C1orf21: variants seen among roughly 807,000 people sequenced by gnomAD.
The protein encoded by C1orf21 is chromosome 1 open reading frame 21.
C1orf21 carries 3 observed loss-of-function variants against 18.7 expected under a neutral mutation model. The observed-to-expected ratio is 0.16, with a 90% CI of 0.07 to 0.42. The LOEUF (loss-of-function observed/expected upper bound fraction) is 0.42, where lower values mean the gene tolerates loss of function less well. Ranked by LOEUF, C1orf21 falls within the 10% of genes least tolerant of loss-of-function variation. The pLI, the probability that C1orf21 is intolerant of heterozygous loss-of-function variation, is 0.99. For missense variants in C1orf21, 104 were observed against 143.6 expected, an observed-to-expected ratio of 0.72 and a Z score of 1.41; for synonymous variants, 41 against 46.4, an observed-to-expected ratio of 0.88 and a Z score of 0.47.
At chr1:184,587,066 C>A (rs1659364477) in intron 3 of C1orf21, among the ~76,000 whole-genome samples, 2 of 152,120 alleles carry the variant, frequency 1.3e-5, no homozygotes, top group South Asian at 4.1e-4. Context: ...TTGTTATTGT[C>A]AGGTTTGTCA....
intron 3 of C1orf21, among the ~76,000 whole-genome samples, chr1:184,527,959 G>A (rs1044152187): frequency 7.9e-5 from 12 of 152,178 alleles, no homozygotes; most frequent in African/African-American, 2.4e-4. Context: ...TTATCTTGCT[G>A]TTGTCACCCC....
chr1:184,416,493 C>T (rs1656454113), intron 1 of C1orf21, among the ~76,000 whole-genome samples: 1 of 151,918 alleles, frequency 6.6e-6, no homozygotes, highest in Non-Finnish European at 1.5e-5. Flanking sequence ...TTATACTAAT[C>T]CCAAATAATT....
intron 1 of C1orf21, among the ~76,000 whole-genome samples, chr1:184,430,678 C>T (rs1322189794): frequency 6.6e-6 from 1 of 152,182 alleles, no homozygotes; most frequent in East Asian, 1.9e-4. Flanking sequence ...CCCCCAAATA[C>T]CAGATTCTTC....
intron 3 of C1orf21, among the ~76,000 whole-genome samples, chr1:184,541,824 A>G (rs1658656268): frequency 6.6e-6 from 1 of 152,184 alleles, no homozygotes; most frequent in Admixed American, 6.6e-5. Flanking sequence ...CAGGGGGATC[A>G]CGGACTGGCG....
intron 1 of C1orf21, among the ~76,000 whole-genome samples, chr1:184,461,389 G>A (rs1657305906): frequency 6.6e-6 from 1 of 152,184 alleles, no homozygotes; most frequent in African/African-American, 2.4e-5. Flanking sequence ...TGGCGGGTTA[G>A]GGATCTCCAT....
chr1:184,459,814 C>A (rs1300412848), intron 1 of C1orf21, among the ~76,000 whole-genome samples: 1 of 152,162 alleles, frequency 6.6e-6, no homozygotes, highest in Non-Finnish European at 1.5e-5. Context: ...TTCCTAGAAA[C>A]CAGGTGCTTT....
At chr1:184,492,894 A>G (rs917779789) in intron 2 of C1orf21, among the ~76,000 whole-genome samples, 5 of 152,216 alleles carry the variant, frequency 3.3e-5, no homozygotes. Context: ...CAAAAGGAGA[A>G]CATTTAATTT....
chr1:184,499,999 G>C (rs1557987699), intron 2 of C1orf21, among the ~76,000 whole-genome samples: 1 of 152,192 alleles, frequency 6.6e-6, no homozygotes, highest in Non-Finnish European at 1.5e-5. Flanking sequence ...CAGTAGGAGA[G>C]TCAGAGAAGG....
At chr1:184,457,609 A>C (rs1054955640) in intron 1 of C1orf21, among the ~76,000 whole-genome samples, 1 of 152,054 alleles carries the variant, frequency 6.6e-6, no homozygotes, top group East Asian at 1.9e-4. Flanking sequence ...TCTGTACTGC[A>C]TTTTCCAGAC....
chr1:184,571,165 CG>C (rs1659105579), intron 3 of C1orf21, among the ~76,000 whole-genome samples: 1 of 150,866 alleles, frequency 6.6e-6, no homozygotes, highest in Non-Finnish European at 1.5e-5. Context: ...GGCGTAGTGG[CG>C]GGCGCCTGTA....
At chr1:184,426,220 G>A (rs550378248) in intron 1 of C1orf21, among the ~76,000 whole-genome samples, 7 of 152,294 alleles carry the variant, frequency 4.6e-5, no homozygotes, top group South Asian at 4.1e-4. Flanking sequence ...TGATCAATTC[G>A]TCTGTCCAGG....
At position 184,619,561 on chromosome 1, in the gene C1orf21, A is replaced by G; in HGVS notation, c.*5A>G. ...GAAGAAGAGGATATCACATAGCACC[A>G]ATTTTACCACTCAAACCAGGAGCTA... On this transcript the variant is annotated 3_prime_UTR_variant, in exon 6 of 6. Transcript: ENST00000235307. 1 of 1,613,606 alleles carries G rather than the reference A, an allele frequency of 6.2e-7. No individual in the cohort carries two copies. The highest frequency in any genetic ancestry group is 1.1e-5 in the South Asian group (1 of 90,990).
rs908064489 is a variant in C1orf21 at position 184,610,802 on chromosome 1, C to G, written c.328-8716C>G. ...GGCGGAGCTTGTAGTGAGCCGAGAT[C>G]GCCCACTGCACTCCAGCCTGAGCAA... On this transcript the variant is annotated intron_variant, in intron 5 of 5. Transcript: ENST00000235307. Among the ~76,000 whole-genome samples, 6 of 150,176 alleles carry G rather than the reference C, an allele frequency of 4.0e-5. No homozygotes were observed. The South Asian group carries it at 1.3e-3, about 32-fold the overall frequency.
chr1:184,614,089 T>G (rs1659780922), intron 5 of C1orf21, among the ~76,000 whole-genome samples: 1 of 152,164 alleles, frequency 6.6e-6, no homozygotes, highest in Admixed American at 6.5e-5. Context: ...GTACTTGGCT[T>G]CTTTGAGGAT....
At chr1:184,487,910 C>T (rs755227357) in intron 2 of C1orf21, among the ~76,000 whole-genome samples, 1 of 152,160 alleles carries the variant, frequency 6.6e-6, no homozygotes, top group Non-Finnish European at 1.5e-5. Flanking sequence ...TAGCATAGTA[C>T]TTGGCACATG....
chr1:184,580,295 C>T (rs895568143), intron 3 of C1orf21, among the ~76,000 whole-genome samples: 9 of 152,208 alleles, frequency 5.9e-5, no homozygotes, highest in African/African-American at 1.9e-4. Flanking sequence ...GAATGCAGAT[C>T]AGGTTCTCGA....
intron 2 of C1orf21, among the ~76,000 whole-genome samples, chr1:184,486,241 A>G (rs1179135149): frequency 6.6e-6 from 1 of 152,216 alleles, no homozygotes; most frequent in Non-Finnish European, 1.5e-5. Flanking sequence ...GCTGATGCTC[A>G]TTTCAATAGG....
chr1:184,598,545 C>A, intron 5 of C1orf21, 84 bp downstream of exon 5: 1 of 1,288,810 alleles, frequency 7.8e-7, no homozygotes, highest in Non-Finnish European at 1.1e-6. Flanking sequence ...ATTCTTGTTT[C>A]TATGTCATAA....
intron 1 of C1orf21, among the ~76,000 whole-genome samples, chr1:184,443,910 G>A (rs942672466): frequency 2.0e-5 from 3 of 152,172 alleles, no homozygotes; most frequent in Admixed American, 6.5e-5. Flanking sequence ...TCCCATGACA[G>A]GGGGTATATG....
Sources: allele counts gnomAD v4.1 joint callset (sites outside exome capture counted in the v4.1 genomes callset), GRCh38; gene constraint gnomAD v4.1.1; transcripts MANE v1.5; gene names NCBI Gene and HGNC (gene_info 2026-07-23, HGNC 2026-07-21).